Variants in SEMA4D observed in about 807,000 individuals in gnomAD.
SEMA4D encodes the protein semaphorin 4D.
Under a neutral mutation model 74.8 loss-of-function variants are expected in SEMA4D, and 22 were observed. The ratio of observed to expected loss-of-function variants is 0.29; its 90% confidence interval spans 0.21 to 0.42. The LOEUF (loss-of-function observed/expected upper bound fraction) is 0.42, where lower values mean the gene tolerates loss of function less well. Ranked by LOEUF, SEMA4D falls within the 10% of genes least tolerant of loss-of-function variation. SEMA4D has a pLI of 1.00. For synonymous variants in SEMA4D, 445 were observed against 463.7 expected (o/e 0.96, Z 0.52); for missense variants, 937 against 1,118.4 (o/e 0.84, Z 2.31).
chr9:89,393,077 T>TG (rs1443173973), intron 7 of SEMA4D, among the ~76,000 whole-genome samples: 1 of 152,152 alleles, frequency 6.6e-6, no homozygotes, highest in Non-Finnish European at 1.5e-5. Context: ...GGACCACAGG[T>TG]GTGCTCTCAC....
intron 1 of SEMA4D, among the ~76,000 whole-genome samples, chr9:89,480,758 C>T (rs953463557): frequency 6.6e-6 from 1 of 152,226 alleles, no homozygotes; most frequent in East Asian, 1.9e-4. Context: ...CCAGCTGGCC[C>T]GCAAGTGCCG....
chr9:89,418,390 C>G (rs940760769), intron 2 of SEMA4D: 75 of 985,330 alleles, frequency 7.6e-5, no homozygotes, highest in Non-Finnish European at 8.8e-5. Flanking sequence ...CCCCAGGACC[C>G]GACCAGGTGT....
chr9:89,424,753 C>G (rs1043389905), intron 2 of SEMA4D, among the ~76,000 whole-genome samples: 1 of 152,064 alleles, frequency 6.6e-6, no homozygotes, highest in African/African-American at 2.4e-5. Flanking sequence ...TCCTGTGAGG[C>G]CTCCACCTGG....
At chr9:89,463,846 C>T (rs1016757726) in intron 1 of SEMA4D, among the ~76,000 whole-genome samples, 10 of 151,278 alleles carry the variant, frequency 6.6e-5, no homozygotes, top group African/African-American at 2.4e-4. Flanking sequence ...AGGCAGGAGG[C>T]TTGCTTGAAC....
Position 89,379,602 on chromosome 9 carries a change from T to C in SEMA4D, c.1691A>G (p.His564Arg), listed in dbSNP as rs762216824. 19 of 1,610,962 alleles carry C rather than the reference T, an allele frequency of 1.2e-5. No individual in the cohort carries two copies. Among genetic ancestry groups the C allele is most frequent in the Non-Finnish European group, 1.5e-5 (18 of 1,177,740 alleles). The change falls in exon 16 of 16, where the codon CAT (histidine) becomes CGT (arginine). Residue 564 changes from histidine to arginine, a missense_variant. His to Arg is a conservative substitution (Grantham distance 29). Transcript: ENST00000422704. ...CGCTGTGCCACCGTGCTTGAAAAAA[T>C]GCTGCCGGTAACTTCCTTTACTTTT... ...PDKSKGSYRQ[H>R]FFKHGGTAEL...
rs1587842993 is a variant in SEMA4D, at chr9:89,431,994, C to T, written c.-244+23894G>A. On this transcript the variant is annotated intron_variant, in intron 2 of 15. Transcript: ENST00000422704. The stretch of plus-strand genomic sequence containing the variant: ...CTCTCTGTGTCCATACCTCAGTGTA[C>T]CTTCCCTTCTGTGCTGCTCTGCCAT... 6.6e-5 allele frequency among the ~76,000 whole-genome samples: 10 copies of T among 152,200 alleles called. No homozygotes were observed. The South Asian group carries it at 2.1e-3, about 32-fold the overall frequency.
chr9:89,447,313 C>CA (rs1266376349), intron 2 of SEMA4D, among the ~76,000 whole-genome samples: 1 of 152,014 alleles, frequency 6.6e-6, no homozygotes, highest in Non-Finnish European at 1.5e-5. Context: ...GATGTTTCCT[C>CA]AACTCCAGGC....
At chr9:89,370,862 G>T (rs1453733401) in intron 16 of SEMA4D, among the ~76,000 whole-genome samples, 1 of 139,190 alleles carries the variant, frequency 7.2e-6, no homozygotes, top group Non-Finnish European at 1.6e-5. Flanking sequence ...GTGTGTGTGG[G>T]ATGTGGCGTG....
In SEMA4D at chr9:89,422,456, C is replaced by A. The variant is rs539925392; in HGVS notation, c.-243-16757G>T. Among the ~76,000 whole-genome samples the A allele has an allele frequency of 7.8e-4, 119 of 152,352 alleles. 1 individual carries two copies. The highest frequency in any genetic ancestry group is 2.8e-3 in the African/African-American group (115 of 41,598). ...GAAGTGGGACAGGCAGGCTGGGAGC[C>A]ATGCAAGAGGAGACCTGAAGTCCAA... On this transcript the variant is annotated intron_variant, in intron 2 of 15. Coordinates refer to ENST00000422704, the MANE Select transcript of SEMA4D (RefSeq NM_001371194.2).
intron 6 of SEMA4D, 40 bp from the exon 7 acceptor site, chr9:89,393,695 G>A (rs1840320925): frequency 5.5e-6 from 8 of 1,443,864 alleles, no homozygotes; most frequent in Non-Finnish European, 6.8e-6. Flanking sequence ...TCAGATGGCT[G>A]AATTTCTATA....
chr9:89,384,675 C>T (rs1262349172), intron 13 of SEMA4D: 1 of 985,274 alleles, frequency 1.0e-6, no homozygotes, highest in Admixed American at 6.1e-5. Flanking sequence ...AAAGCAAAAC[C>T]CCATGCTTGT....
chr9:89,365,004 C>T (rs1399809690), intron 16 of SEMA4D: 1 of 152,276 alleles, frequency 6.6e-6, no homozygotes, highest in Non-Finnish European at 1.5e-5. Flanking sequence ...CCCGGCCTTC[C>T]TTGCTCGTGA....
At chr9:89,451,174 G>A (rs1276033342) in intron 2 of SEMA4D, among the ~76,000 whole-genome samples, 1 of 151,986 alleles carries the variant, frequency 6.6e-6, no homozygotes, top group Non-Finnish European at 1.5e-5. Flanking sequence ...CCATCTATTT[G>A]GGGGCTTTTT....
At chr9:89,415,210 T>C (rs1845463888) in intron 2 of SEMA4D, among the ~76,000 whole-genome samples, 1 of 152,170 alleles carries the variant, frequency 6.6e-6, no homozygotes, top group Non-Finnish European at 1.5e-5. Context: ...GCATGCATCC[T>C]TGGGCCCAAG....
At chr9:89,470,775 G>A (rs955627822) in intron 1 of SEMA4D, among the ~76,000 whole-genome samples, 2 of 152,206 alleles carry the variant, frequency 1.3e-5, no homozygotes, top group Non-Finnish European at 2.9e-5. Context: ...CGGCACAGTG[G>A]TGAGTGAAAG....
intron 2 of SEMA4D, among the ~76,000 whole-genome samples, chr9:89,429,722 G>A (rs1848854988): frequency 6.6e-6 from 1 of 152,194 alleles, no homozygotes; most frequent in Admixed American, 6.6e-5. Context: ...CAGAAGCCCG[G>A]GAAGCATGCT....
chr9:89,388,442 T>C (rs769765875), intron 11 of SEMA4D, among the ~76,000 whole-genome samples, 194 bp downstream of exon 11: 12 of 152,258 alleles, frequency 7.9e-5, no homozygotes, highest in Admixed American at 2.0e-4. Context: ...TGTGCAATAG[T>C]GTAGCAATGG....
At chr9:89,396,540 G>A (rs527583092) in intron 6 of SEMA4D, among the ~76,000 whole-genome samples, 197 bp downstream of exon 6, 1 of 152,394 alleles carries the variant, frequency 6.6e-6, no homozygotes, top group African/African-American at 2.4e-5. Flanking sequence ...GAGGAGCCAA[G>A]TGGGCTGTGT....
chr9:89,474,355 C>A (rs1224288577), intron 1 of SEMA4D, among the ~76,000 whole-genome samples: 1 of 138,432 alleles, frequency 7.2e-6, no homozygotes. Context: ...GCATTCGAAT[C>A]CAAATAAGAA....
Sources: allele counts gnomAD v4.1 joint callset (sites outside exome capture counted in the v4.1 genomes callset), GRCh38; gene constraint gnomAD v4.1.1; transcripts MANE v1.5; gene names NCBI Gene and HGNC (gene_info 2026-07-23, HGNC 2026-07-21).